MDGA2: variants seen among roughly 807,000 people sequenced by gnomAD.
The protein encoded by MDGA2 is MAM domain-containing glycosylphosphatidylinositol anchor protein 2.
In MDGA2, 40 loss-of-function variants were observed where a neutral mutation model predicts 117.8. That is an observed-to-expected ratio of 0.34 (90% CI 0.26 to 0.44). The LOEUF is 0.44. MDGA2 is among the 20% of genes least tolerant of loss of function. The probability of loss-of-function intolerance (pLI) is 1.00; values close to 1 mark genes in which losing one functional copy is unlikely to be tolerated. For synonymous variants in MDGA2, 452 were observed against 439.0 expected, an observed-to-expected ratio of 1.03 and a Z score of -0.37; for missense variants, 1,123 against 1,250.6, an observed-to-expected ratio of 0.90 and a Z score of 1.54.
chr14:47,409,597 G>A (rs1892329718), intron 1 of MDGA2, among the ~76,000 whole-genome samples: 1 of 152,098 alleles, frequency 6.6e-6, no homozygotes, highest in Non-Finnish European at 1.5e-5. Context: ...CAGTACTGTA[G>A]GTACAGTTCA....
At chr14:47,575,863 A>T (rs779438419) in intron 1 of MDGA2, among the ~76,000 whole-genome samples, 14 of 152,232 alleles carry the variant, frequency 9.2e-5, no homozygotes, top group Non-Finnish European at 1.3e-4. Context: ...TACTGATATT[A>T]TGTAAAAATA....
intron 2 of MDGA2, among the ~76,000 whole-genome samples, chr14:47,291,969 C>A (rs1398977087): frequency 3.3e-5 from 5 of 152,252 alleles, no homozygotes; most frequent in South Asian, 2.1e-4. Flanking sequence ...CTTCTAAATT[C>A]TCTTTCATGA....
intron 1 of MDGA2, among the ~76,000 whole-genome samples, chr14:47,673,179 G>A (rs193021511): frequency 3.2e-4 from 48 of 152,214 alleles, no homozygotes; most frequent in Non-Finnish European, 5.9e-5. Flanking sequence ...GAACACAGTG[G>A]ACACAGTAAA....
chr14:47,661,746 C>CTTT (rs1172717995), intron 1 of MDGA2, among the ~76,000 whole-genome samples: 22,877 of 97,032 alleles, frequency 0.24, 3,448 homozygotes, highest in South Asian at 0.42. Context: ...ATCAGAGTTT[C>CTTT]TTTTTTTTTT....
intron 6 of MDGA2, among the ~76,000 whole-genome samples, chr14:47,070,860 G>A (rs894658798): frequency 1.3e-5 from 2 of 152,152 alleles, no homozygotes; most frequent in Non-Finnish European, 2.9e-5. Context: ...CGCCTGCCTC[G>A]GCCTTCCGAA....
intron 6 of MDGA2, among the ~76,000 whole-genome samples, chr14:47,093,629 T>C (rs921991321): frequency 4.6e-5 from 7 of 152,102 alleles, no homozygotes; most frequent in African/African-American, 1.7e-4. Flanking sequence ...TGATGCTACA[T>C]TAATAAATGT....
At chr14:47,164,794 A>T (rs1317518895) in intron 3 of MDGA2, among the ~76,000 whole-genome samples, 1 of 152,230 alleles carries the variant, frequency 6.6e-6, no homozygotes, top group East Asian at 1.9e-4. Context: ...ATAGAGACAC[A>T]TGCACATGTA....
chr14:47,360,566 G>C (rs1422099780), intron 1 of MDGA2, among the ~76,000 whole-genome samples: 1 of 151,946 alleles, frequency 6.6e-6, no homozygotes, highest in Non-Finnish European at 1.5e-5. Context: ...CAAAAGACAA[G>C]AGATAACAAG....
chr14:47,487,257 A>G (rs917918356), intron 1 of MDGA2, among the ~76,000 whole-genome samples: 3 of 152,210 alleles, frequency 2.0e-5, no homozygotes, highest in African/African-American at 7.2e-5. Flanking sequence ...GATAATCCCA[A>G]TGGAGAGTTT....
At chr14:47,130,233 A>G (rs1374095138) in intron 5 of MDGA2, among the ~76,000 whole-genome samples, 5 of 152,016 alleles carry the variant, frequency 3.3e-5, no homozygotes, top group African/African-American at 4.8e-5. Context: ...TAGGTCTAAC[A>G]TTTAAGTCTT....
chr14:47,470,674 C>A (rs1435723113), intron 1 of MDGA2, among the ~76,000 whole-genome samples: 3 of 152,044 alleles, frequency 2.0e-5, no homozygotes, highest in African/African-American at 7.2e-5. Flanking sequence ...AGTTCTAGAT[C>A]CTTGAGGAAT....
intron 8 of MDGA2, among the ~76,000 whole-genome samples, chr14:47,007,518 T>C (rs1278775328): frequency 6.6e-6 from 1 of 151,660 alleles, no homozygotes; most frequent in African/African-American, 2.4e-5. Context: ...TTTTACCGTA[T>C]CTCCTTAGGT....
At chr14:47,175,722 T>C (rs79572887) in intron 3 of MDGA2, among the ~76,000 whole-genome samples, 65,861 of 137,082 alleles carry the variant, frequency 0.48, 17,209 homozygotes, top group African/African-American at 0.67. Context: ...TGGAAGCATT[T>C]CCTTTGAAAA....
At chr14:47,174,207 T>G (rs545506965) in intron 3 of MDGA2, among the ~76,000 whole-genome samples, 1 of 152,088 alleles carries the variant, frequency 6.6e-6, no homozygotes, top group Non-Finnish European at 1.5e-5. Context: ...TGGGAGACTT[T>G]AACACCCCAT....
intron 1 of MDGA2, among the ~76,000 whole-genome samples, chr14:47,551,806 A>G (rs550931216): frequency 6.6e-6 from 1 of 152,294 alleles, no homozygotes; most frequent in Non-Finnish European, 1.5e-5. Context: ...TTTTCATGTA[A>G]TACTTACGAG....
intron 8 of MDGA2, among the ~76,000 whole-genome samples, chr14:46,973,085 A>G (rs1886329856): frequency 1.3e-5 from 2 of 152,244 alleles, no homozygotes; most frequent in South Asian, 4.1e-4. Context: ...CGGCTACTAG[A>G]ATGCCCAAAA....
chr14:47,121,639 T>TAAGA (rs1373859910), intron 5 of MDGA2, among the ~76,000 whole-genome samples: 2 of 152,090 alleles, frequency 1.3e-5, no homozygotes, highest in Non-Finnish European at 2.9e-5. Flanking sequence ...CCACCATAAC[T>TAAGA]AAGAGCCTAC....
intron 8 of MDGA2, among the ~76,000 whole-genome samples, chr14:46,967,594 C>T (rs1489943236): frequency 6.6e-6 from 1 of 152,070 alleles, no homozygotes; most frequent in Non-Finnish European, 1.5e-5. Flanking sequence ...CATGGAAGAT[C>T]TATACTTCAC....
chr14:47,171,214 A>G (rs1377310196), intron 3 of MDGA2, among the ~76,000 whole-genome samples: 1 of 152,140 alleles, frequency 6.6e-6, no homozygotes, highest in Non-Finnish European at 1.5e-5. Context: ...ATTGTGGGAA[A>G]ATACTGAAGG....
Sources: allele counts gnomAD v4.1 joint callset (sites outside exome capture counted in the v4.1 genomes callset), GRCh38; gene constraint gnomAD v4.1.1; transcripts MANE v1.5; gene names NCBI Gene and HGNC (gene_info 2026-07-23, HGNC 2026-07-21).